Variants in ST7 observed in about 807,000 individuals in gnomAD.
ST7 encodes the protein suppression of tumorigenicity 7.
A neutral mutation model predicts 78.7 loss-of-function variants in ST7; 28 were observed. That is an observed-to-expected ratio of 0.36 (90% CI 0.26 to 0.49). ST7 has a LOEUF of 0.49. Among genes scored for constraint, ST7 ranks in the 20% least tolerant of loss-of-function variants. The probability of loss-of-function intolerance (pLI) is 0.99; values close to 1 mark genes in which losing one functional copy is unlikely to be tolerated. For missense variants in ST7, 418 were observed against 696.0 expected, an observed-to-expected ratio of 0.60 and a Z score of 4.49; for synonymous variants, 247 against 249.6, an observed-to-expected ratio of 0.99 and a Z score of 0.10.
Position 117,190,932 on chromosome 7 carries a change from CA to C in ST7, c.1254del (p.Lys418AsnfsTer4). ...GCTGTGGAATTCAATCCTCATGTGC[CA>C]AAAGTGAGTCTGTGGAATCCCCACA... ...HRAVEFNPHV[P>X]KYLLEMKSLI... On this transcript the variant is annotated frameshift_variant, in exon 12 of 16. Transcript: ENST00000323984. LOFTEE classifies it high-confidence loss of function. This position sits in a 1 kb window ranked among gnomAD's most constrained non-coding sequence, Gnocchi z 5.2. The C allele has an allele frequency of 6.2e-7, 1 of 1,612,716 alleles. No individual in the cohort carries two copies. The highest frequency in any genetic ancestry group is 8.5e-7 in the Non-Finnish European group (1 of 1,178,820).
At chr7:117,222,334 T>A (rs747617190) in intron 15 of ST7, among the ~76,000 whole-genome samples, 2 of 152,216 alleles carry the variant, frequency 1.3e-5, no homozygotes, top group Non-Finnish European at 2.9e-5. Context: ...ATGGAATGAT[T>A]TAGGAAATCC....
intron 1 of ST7, chr7:116,966,235 T>G (rs940104578): frequency 7.1e-6 from 2 of 281,412 alleles, no homozygotes; most frequent in South Asian, 3.7e-5. Flanking sequence ...GTTGCTTTTT[T>G]CTTTTTTCTT....
intron 2 of ST7, 33 bp downstream of exon 2, chr7:117,099,877 T>C (rs1801433899): frequency 6.5e-7 from 1 of 1,537,394 alleles, no homozygotes; most frequent in South Asian, 1.1e-5. Context: ...TTTAAAAACA[T>C]GCTGATTAGT....
chr7:117,011,900 C>G (rs1391802735), intron 1 of ST7, among the ~76,000 whole-genome samples: 1 of 152,072 alleles, frequency 6.6e-6, no homozygotes, highest in Non-Finnish European at 1.5e-5. Context: ...GTGGAGGGAT[C>G]TAGTTGAAGG....
intron 13 of ST7, among the ~76,000 whole-genome samples, chr7:117,216,613 G>T (rs984273981): frequency 6.6e-6 from 1 of 152,150 alleles, no homozygotes; most frequent in Non-Finnish European, 1.5e-5. Context: ...GGGAGGTGAC[G>T]CTGGCAAGGC....
intron 1 of ST7, among the ~76,000 whole-genome samples, chr7:117,047,073 A>G (rs972355785): frequency 2.0e-4 from 30 of 152,208 alleles, no homozygotes; most frequent in African/African-American, 6.8e-4. Flanking sequence ...TAGTATTTGT[A>G]CTACATGGTC....
chr7:117,083,126 C>G lies in ST7; in HGVS notation c.152-16636C>G, dbSNP rs1023787105. Among the ~76,000 whole-genome samples, 3 of 152,162 alleles carry G rather than the reference C, an allele frequency of 2.0e-5. No homozygotes were observed. The South Asian group carries it at 6.2e-4, about 32-fold the overall frequency. ...TCAGGCTGGAGTGCAATGGCACGAT[C>G]TTGGCTCACTGCAGTCTCTACCTCC... On this transcript the variant is annotated intron_variant, in intron 1 of 15. Coordinates refer to ENST00000323984, the MANE Select transcript of ST7 (RefSeq NM_001369598.1).
intron 1 of ST7, among the ~76,000 whole-genome samples, chr7:117,012,904 A>T (rs1242381533): frequency 6.6e-6 from 1 of 152,184 alleles, no homozygotes; most frequent in Non-Finnish European, 1.5e-5. Context: ...AGTAGGTTGT[A>T]GGTTTTATAT....
chr7:117,209,519 T>C lies in ST7; in HGVS notation c.1255-268T>C, dbSNP rs2239972. ...CTTCTACATTTTCCTTTATGCTGTTTGAGTCTTATGTATTTCTTTGATTAG... is the reference window on the plus strand; with the variant it reads ...CTTCTACATTTTCCTTTATGCTGTTCGAGTCTTATGTATTTCTTTGATTAG... On this transcript the variant is annotated intron_variant, in intron 12 of 15. Coordinates refer to ENST00000323984, the MANE Select transcript of ST7 (RefSeq NM_001369598.1). Among the ~76,000 whole-genome samples, 31 of 152,366 alleles carry C rather than the reference T, an allele frequency of 2.0e-4. No homozygotes were observed. In the East Asian group the frequency reaches 6.0e-3, roughly 29 times the overall value.
intron 1 of ST7, among the ~76,000 whole-genome samples, chr7:116,996,356 C>T (rs1178034454): frequency 2.0e-5 from 3 of 152,146 alleles, no homozygotes; most frequent in Non-Finnish European, 2.9e-5. Flanking sequence ...GGATTACAGG[C>T]GTGAGCCACT....
At chr7:117,147,960 AG>A (rs756858138) in intron 9 of ST7, among the ~76,000 whole-genome samples, 2 of 152,156 alleles carry the variant, frequency 1.3e-5, no homozygotes, top group Non-Finnish European at 2.9e-5. Context: ...GCATATGGTC[AG>A]GTTTAATAAA....
At chr7:117,153,910 T>C (rs1806477622) in intron 9 of ST7, among the ~76,000 whole-genome samples, 2 of 152,088 alleles carry the variant, frequency 1.3e-5, no homozygotes, top group African/African-American at 4.8e-5. Context: ...GTAGAAGACC[T>C]GAGCATGTGC....
At chr7:117,106,761 C>T (rs190740687) in intron 2 of ST7, among the ~76,000 whole-genome samples, 1 of 151,842 alleles carries the variant, frequency 6.6e-6, no homozygotes, top group East Asian at 1.9e-4. Flanking sequence ...GCTGGGACTA[C>T]AGGCGCCCGC....
At chr7:116,968,939 G>T (rs896796014) in intron 1 of ST7, among the ~76,000 whole-genome samples, 1 of 152,060 alleles carries the variant, frequency 6.6e-6, no homozygotes, top group South Asian at 2.1e-4. Context: ...TCATTTTGAA[G>T]CATTAAAAAT....
At chr7:117,097,899 T>TC (rs1563078871) in intron 1 of ST7, among the ~76,000 whole-genome samples, 2 of 31,996 alleles carry the variant, frequency 6.3e-5, no homozygotes, top group African/African-American at 3.0e-4. Context: ...TATATATATA[T>TC]ATATATATAT....
Position 117,209,644 on chromosome 7 carries a change from G to A in ST7, c.1255-143G>A, listed in dbSNP as rs1299438379. On this transcript the variant is annotated intron_variant, in intron 12 of 15. Transcript: ENST00000323984. ...TGTATTGCTGGATGTTTTAGTAATT[G>A]CCTTCAAATGTAGTAATGAGGTTGC... is the stretch of plus-strand genomic sequence containing the variant. The A allele has an allele frequency of 3.3e-6, 3 of 904,028 alleles. No homozygotes were observed. The African/African-American group carries it at 5.1e-5, about 15-fold the overall frequency. 56.0% of individuals were successfully genotyped at this position (904,028 alleles called of 1,614,324 possible).
At chr7:117,132,026 C>A in intron 6 of ST7, 66 bp downstream of exon 6, 1 of 1,395,020 alleles carries the variant, frequency 7.2e-7, no homozygotes, top group Non-Finnish European at 1.0e-6. Flanking sequence ...ATTCAGTTGC[C>A]ATTGATAGGA....
chr7:117,036,451 T>G (rs767930682), intron 1 of ST7, among the ~76,000 whole-genome samples: 1 of 152,222 alleles, frequency 6.6e-6, no homozygotes, highest in Non-Finnish European at 1.5e-5. Flanking sequence ...CGACTGAATA[T>G]TTTACGTATT....
At chr7:117,116,011 C>T (rs1386209492) in intron 2 of ST7, among the ~76,000 whole-genome samples, 4 of 152,076 alleles carry the variant, frequency 2.6e-5, no homozygotes, top group African/African-American at 9.7e-5. Context: ...GAAAACTAAG[C>T]CCCAAGGAAT....
Sources: gnomAD v4.1 joint callset for allele counts (sites outside exome capture counted in the v4.1 genomes callset) on GRCh38, gnomAD v4.1.1 for gene constraint, Gnocchi (gnomAD v3.1) non-coding constraint, MANE v1.5 for transcripts, NCBI Gene and HGNC (gene_info 2026-07-23, HGNC 2026-07-21) for gene names.